SEC23B: variants seen among roughly 807,000 people sequenced by gnomAD.
SEC23B encodes protein transport protein Sec23B.
SEC23B carries 77 observed loss-of-function variants against 104.3 expected under a neutral mutation model. The observed-to-expected ratio is 0.74, with a 90% CI of 0.61 to 0.89. SEC23B has a LOEUF of 0.89. SEC23B is among the 40% of genes least tolerant of loss of function. The pLI, the probability that SEC23B is intolerant of heterozygous loss-of-function variation, is 0.00. For synonymous variants in SEC23B, 338 were observed against 332.5 expected, an observed-to-expected ratio of 1.02 and a Z score of -0.18; for missense variants, 885 against 949.4, an observed-to-expected ratio of 0.93 and a Z score of 0.89.
At chr20:18,517,232 G>A (rs1258509732) in intron 4 of SEC23B, among the ~76,000 whole-genome samples, 2 of 152,358 alleles carry the variant, frequency 1.3e-5, no homozygotes, top group South Asian at 4.1e-4. Flanking sequence ...AGTCAGCAAA[G>A]GGTGGTGGAT....
At position 18,548,773 on chromosome 20, in the gene SEC23B, G is replaced by T; in HGVS notation, c.1905+3G>T. The T allele has an allele frequency of 1.2e-6, 2 of 1,613,970 alleles. No individual in the cohort carries two copies. Among genetic ancestry groups the T allele is most frequent in the South Asian group, 2.2e-5 (2 of 91,082 alleles). ...ACTCCTTTCATGGGCCACCAGAGGTGAGGCTCTACCCAAATGCTTTCCTGA... is the reference window on the plus strand; with the variant it reads ...ACTCCTTTCATGGGCCACCAGAGGTTAGGCTCTACCCAAATGCTTTCCTGA... On this transcript the variant is annotated splice_donor_region_variant and intron_variant, in intron 16 of 19. Transcript: ENST00000650089.
chr20:18,557,745 C>CTTTTTTTTTTTTTTTTTTTTTTTT (rs11477198), intron 19 of SEC23B, among the ~76,000 whole-genome samples: 56 of 116,818 alleles, frequency 4.8e-4, no homozygotes, highest in Non-Finnish European at 6.4e-4. Context: ...TTTTTCTTTT[C>CTTTTTTTTTTTTTTTTTTTTTTTT]TTTTTTTTTT....
rs771580511 is a variant in SEC23B, at chr20:18,515,694, C to T, written c.324C>T (p.Ala108=). The change falls in exon 4 of 20, where the codon GCC becomes GCT. Residue 108 remains alanine (A), a synonymous_variant. Transcript: ENST00000650089. The stretch of plus-strand genomic sequence containing the variant: ...GCATATCTGAGGTGAATCAACCTGC[C>T]GAATTGATGCCCCAGTTTTCTACAA... ...YGGISEVNQP[A]ELMPQFSTIE... 1.6e-5 allele frequency: 26 copies of T among 1,612,046 alleles called. No individual in the cohort carries two copies. The highest frequency in any genetic ancestry group is 1.2e-4 in the African/African-American group (9 of 74,984).
intron 19 of SEC23B, among the ~76,000 whole-genome samples, chr20:18,557,739 T>G (rs1449860424): frequency 7.8e-6 from 1 of 127,826 alleles, no homozygotes; most frequent in East Asian, 2.5e-4. Context: ...TTTTCTTTTT[T>G]CTTTTCTTTT....
intron 18 of SEC23B, 52 bp downstream of exon 18, chr20:18,554,442 G>T: frequency 1.9e-6 from 3 of 1,585,626 alleles, no homozygotes; most frequent in Non-Finnish European, 2.6e-6. Context: ...ATGATAGATT[G>T]TTATTGCTAT....
At chr20:18,559,530 C>T (rs753067482) in intron 19 of SEC23B, among the ~76,000 whole-genome samples, 2 of 152,072 alleles carry the variant, frequency 1.3e-5, no homozygotes, top group Non-Finnish European at 2.9e-5. Flanking sequence ...TTGTAGCTGC[C>T]CACCCAGCCT....
intron 11 of SEC23B, among the ~76,000 whole-genome samples, chr20:18,533,808 T>C (rs1322665071): frequency 1.3e-5 from 2 of 152,212 alleles, no homozygotes; most frequent in Non-Finnish European, 2.9e-5. Flanking sequence ...CTAAGGGGCT[T>C]GTACCCCTAT....
At chr20:18,556,953 G>A (rs1267854932) in intron 19 of SEC23B, among the ~76,000 whole-genome samples, 17 of 152,164 alleles carry the variant, frequency 1.1e-4, no homozygotes, top group Non-Finnish European at 2.2e-4. Flanking sequence ...CTGAGATCAC[G>A]CCACTGCACT....
intron 12 of SEC23B, among the ~76,000 whole-genome samples, chr20:18,538,313 G>C (rs1166358657): frequency 6.9e-6 from 1 of 145,784 alleles, no homozygotes; most frequent in African/African-American, 2.6e-5. Flanking sequence ...GCAGTGGCAT[G>C]ATCTTGGCTC....
chr20:18,548,580 A>G (rs1234067637), intron 15 of SEC23B, 29 bp from the exon 16 acceptor site: 1 of 1,610,060 alleles, frequency 6.2e-7, no homozygotes, highest in Non-Finnish European at 8.5e-7. Context: ...AATTATATGC[A>G]TTTCTCTTTC....
At chr20:18,521,515 A>G (rs758373236) in intron 4 of SEC23B, among the ~76,000 whole-genome samples, 1 of 152,166 alleles carries the variant, frequency 6.6e-6, no homozygotes, top group African/African-American at 2.4e-5. Context: ...AAACTTGACT[A>G]TGCCTTTAGC....
chr20:18,556,299 T>A (rs1301114270), intron 19 of SEC23B, among the ~76,000 whole-genome samples: 1 of 151,714 alleles, frequency 6.6e-6, no homozygotes, highest in African/African-American at 2.4e-5. Flanking sequence ...TATGCATAGG[T>A]TATATGCAAA....
chr20:18,546,074 A>G (rs764273717), intron 15 of SEC23B, 41 bp downstream of exon 15: 3 of 1,091,750 alleles, frequency 2.7e-6, no homozygotes, highest in Admixed American at 1.7e-5. Flanking sequence ...AGAGCAATAA[A>G]TTTTGATAGA....
intron 8 of SEC23B, among the ~76,000 whole-genome samples, chr20:18,526,735 A>G (rs2060137602): frequency 6.6e-6 from 1 of 152,192 alleles, no homozygotes; most frequent in Admixed American, 6.5e-5. Flanking sequence ...AAACTACTCA[A>G]AGGGTTTTGA....
At chr20:18,518,433 G>A (rs1347351048) in intron 4 of SEC23B, among the ~76,000 whole-genome samples, 1 of 152,176 alleles carries the variant, frequency 6.6e-6, no homozygotes, top group Non-Finnish European at 1.5e-5. Flanking sequence ...ATAGCAGATG[G>A]AACACTGAGA....
chr20:18,559,325 C>T (rs897950523), intron 19 of SEC23B, among the ~76,000 whole-genome samples: 16 of 152,108 alleles, frequency 1.1e-4, no homozygotes, highest in South Asian at 8.3e-4. Context: ...AGTAGGCAGG[C>T]GGAGGGACAT....
At chr20:18,534,781 G>T (rs1233659846) in intron 11 of SEC23B, among the ~76,000 whole-genome samples, 5 of 152,156 alleles carry the variant, frequency 3.3e-5, no homozygotes, top group Admixed American at 3.3e-4. Context: ...CATCTAAAGA[G>T]CAAATGTTTA....
rs372898261 is a variant in SEC23B, at chr20:18,521,754, G to A, written c.367-2679G>A. ...AGAAAAGGATTAAAAGGACTTAAGA[G>A]CTTGGGGTGGAGACTGAAGGAACAG... On this transcript the variant is annotated intron_variant, in intron 4 of 19. Transcript: ENST00000650089. 2.0e-5 allele frequency among the ~76,000 whole-genome samples: 3 copies of A among 152,142 alleles called. No homozygotes were observed. The East Asian group carries it at 5.8e-4, about 29-fold the overall frequency.
In SEC23B at chr20:18,527,535, C is replaced by G; in HGVS notation, c.1033C>G (p.His345Asp). The G allele has an allele frequency of 6.2e-7, 1 of 1,613,494 alleles. No individual in the cohort carries two copies. Among genetic ancestry groups the G allele is most frequent in the Non-Finnish European group, 8.5e-7 (1 of 1,179,380 alleles). The change falls in exon 9 of 20, where the codon CAC (histidine) becomes GAC (aspartate). Residue 345 changes from histidine (H) to aspartate (D), a missense_variant. Coordinates refer to ENST00000650089, the MANE Select transcript of SEC23B (RefSeq NM_006363.6). ...TGCTAATCGAACAGCTGCAAATGGT[C>G]ACTGCATTGATATTTATGCTTGTGC... ...MLANRTAANGHCIDIYACALD... is the reference protein window; with the variant it reads ...MLANRTAANGDCIDIYACALD...
Sources: gnomAD v4.1 joint callset for allele counts (sites outside exome capture counted in the v4.1 genomes callset) on GRCh38, gnomAD v4.1.1 for gene constraint, MANE v1.5 for transcripts, NCBI Gene and HGNC (gene_info 2026-07-23, HGNC 2026-07-21) for gene names.